The following PUS1 variants were observed in gnomAD, a reference collection of about 807,000 sequenced individuals.
The protein encoded by PUS1 is pseudouridylate synthase 1 homolog.
A neutral mutation model predicts 38.5 loss-of-function variants in PUS1; 25 were observed. That is an observed-to-expected ratio of 0.65 (90% CI 0.47 to 0.91). PUS1 has a LOEUF of 0.91. Ranked by LOEUF, PUS1 falls within the 40% of genes least tolerant of loss-of-function variation. The probability of loss-of-function intolerance (pLI) is 0.00; values close to 1 mark genes in which losing one functional copy is unlikely to be tolerated. For synonymous variants in PUS1, 282 were observed against 260.4 expected (o/e 1.08, Z -0.80); for missense variants, 597 against 612.3 (o/e 0.97, Z 0.26).
At chr12:131,942,462 A>G (rs1054111502) in intron 5 of PUS1, among the ~76,000 whole-genome samples, 125 of 152,052 alleles carry the variant, frequency 8.2e-4, no homozygotes, top group Non-Finnish European at 8.8e-5. Context: ...GCTGGAGTGC[A>G]GTGGCGCGAT....
At position 131,929,623 on chromosome 12, in the gene PUS1, T is replaced by C; in HGVS notation, c.-100T>C. On this transcript the variant is annotated 5_prime_UTR_variant, in exon 1 of 6. Coordinates refer to ENST00000376649, the MANE Select transcript of PUS1 (RefSeq NM_025215.6). ...GGTCAGAAGGAACAGGGCTGCAGCG[T>C]CAGGGTCCGAGAGGTTAGGGGTCGG... 1 of 1,024,416 alleles carries C rather than the reference T, an allele frequency of 9.8e-7. No homozygotes were observed. The highest frequency in any genetic ancestry group is 1.7e-5 in the South Asian group (1 of 59,398). 63.5% of individuals were successfully genotyped at this position (1,024,416 alleles called of 1,614,324 possible). A position where few individuals can be genotyped will look rare whatever the true frequency, so the allele number is the denominator to read the frequency against.
chr12:131,939,194 G>C lies in PUS1; in HGVS notation c.463G>C (p.Val155Leu), dbSNP rs994512006. ...ACAGGGTGTGTCCGCAGCCGGCCAG[G>C]TGGTATCCCTGAAGGTGTGGCTGAT... ...TDKGVSAAGQVVSLKVWLIDD... is the reference protein window; with the variant it reads ...TDKGVSAAGQLVSLKVWLIDD... Residue 155 changes from valine to leucine, a missense_variant, in exon 4 of 6, where the codon GTG (valine) becomes CTG (leucine). Transcript: ENST00000376649. 2 of 1,560,494 alleles carry C rather than the reference G, an allele frequency of 1.3e-6. No homozygotes were observed. Among genetic ancestry groups the C allele is most frequent in the Admixed American group, 3.7e-5 (2 of 53,430 alleles).
chr12:131,929,701 C>A lies in PUS1; in HGVS notation c.-22C>A. 1 of 1,566,208 alleles carries A rather than the reference C, an allele frequency of 6.4e-7. No individual in the cohort carries two copies. Reference sequence around the variant, plus strand: ...CAGGGGTCGGGGATCAGGGCGGGGTCGGGTGCACTGGTAGCCTGCGCATGG... The same window carrying A: ...CAGGGGTCGGGGATCAGGGCGGGGTAGGGTGCACTGGTAGCCTGCGCATGG... On this transcript the variant is annotated 5_prime_UTR_variant, in exon 1 of 6. Transcript: ENST00000376649.
chr12:131,929,998 G>C lies in PUS1; in HGVS notation c.166G>C (p.Asp56His), dbSNP rs769085511. 1.8e-5 allele frequency: 27 copies of C among 1,483,334 alleles called. No homozygotes were observed. In the South Asian group the frequency reaches 3.5e-4, roughly 19 times the overall value. The allele number at this position is 1,483,334 out of a possible 1,614,324, so 91.9% of individuals were successfully genotyped here. Residue 56 changes from aspartate (D) to histidine (H), a missense_variant, in exon 2 of 6, where the codon GAC (aspartate) becomes CAC (histidine). Asp to His is a moderately conservative substitution (Grantham distance 81). Coordinates refer to ENST00000376649, the MANE Select transcript of PUS1 (RefSeq NM_025215.6). ...RRSCSGRAGGDRVWEDGEHPA... is the reference protein window; with the variant it reads ...RRSCSGRAGGHRVWEDGEHPA... ...GTCCTGCAGCGGCCGGGCCGGGGGC[G>C]ACCGCGTCTGGGAGGACGGAGAACA...
intron 4 of PUS1, among the ~76,000 whole-genome samples, chr12:131,940,442 C>T (rs556496939): frequency 6.6e-6 from 1 of 152,320 alleles, no homozygotes; most frequent in East Asian, 1.9e-4. Flanking sequence ...ATTGTTTATA[C>T]AGTTACCTGC....
At chr12:131,942,463 G>T (rs1195424009) in intron 5 of PUS1, among the ~76,000 whole-genome samples, 3 of 152,092 alleles carry the variant, frequency 2.0e-5, no homozygotes, top group Admixed American at 6.5e-5. Context: ...CTGGAGTGCA[G>T]TGGCGCGATC....
intron 3 of PUS1, 125 bp downstream of exon 3, chr12:131,932,437 C>G (rs891690313): frequency 6.8e-6 from 8 of 1,182,190 alleles, no homozygotes; most frequent in Admixed American, 2.0e-5. Context: ...TCAAACTAGC[C>G]TACGCCTTAT....
Position 131,943,778 on chromosome 12 carries a change from T to C in PUS1, c.*192T>C, listed in dbSNP as rs930371689. 17 of 597,164 alleles carry C rather than the reference T, an allele frequency of 2.8e-5. No individual in the cohort carries two copies. The highest frequency in any genetic ancestry group is 5.1e-5 in the Non-Finnish European group (17 of 331,982). 37.0% of individuals were successfully genotyped at this position (597,164 alleles called of 1,614,324 possible). A position where few individuals can be genotyped will look rare whatever the true frequency, so the allele number is the denominator to read the frequency against. ...ATCTGTTTTCAGCTCTTGCATTGCA[T>C]AGATGAACCTCAGCATGTAAAGAAC... is the stretch of plus-strand genomic sequence containing the variant. On this transcript the variant is annotated 3_prime_UTR_variant, in exon 6 of 6. Transcript: ENST00000376649.
In PUS1 at chr12:131,941,476, C is replaced by T; in HGVS notation, c.729C>T (p.His243=). The change falls in exon 5 of 6, where the codon CAC becomes CAT. Residue 243 remains histidine (H), a synonymous_variant. Coordinates refer to ENST00000376649, the MANE Select transcript of PUS1 (RefSeq NM_025215.6). This position sits in a 1 kb window ranked among gnomAD's most constrained non-coding sequence, Gnocchi z 4.4. ...NRLLACYKGT[H]NFHNFTSQKG... ...TCCTGGCCTGCTACAAGGGCACGCACAACTTCCACAATTTCACCTCGCAGA... is the reference window on the plus strand; with the variant it reads ...TCCTGGCCTGCTACAAGGGCACGCATAACTTCCACAATTTCACCTCGCAGA... 6.2e-7 allele frequency: 1 copy of T among 1,613,516 alleles called. No individual in the cohort carries two copies. The highest frequency in any genetic ancestry group is 8.5e-7 in the Non-Finnish European group (1 of 1,179,444).
chr12:131,942,716 C>T (rs183999904), intron 5 of PUS1, among the ~76,000 whole-genome samples: 49 of 152,316 alleles, frequency 3.2e-4, no homozygotes, highest in African/African-American at 1.1e-3. Flanking sequence ...AGCCTGAGTT[C>T]TTTCATGGTG....
At chr12:131,934,755 C>T (rs1362777420) in intron 3 of PUS1, 1 of 152,216 alleles carries the variant, frequency 6.6e-6, no homozygotes, top group Non-Finnish European at 1.5e-5. Flanking sequence ...TTCTGTAGCA[C>T]GTATGAGGCA....
chr12:131,943,940 AAC>A lies in PUS1; in HGVS notation c.*356_*357del, dbSNP rs1436234931. The A allele has an allele frequency of 6.0e-6, 2 of 332,004 alleles. No homozygotes were observed. The highest frequency in any genetic ancestry group is 1.2e-5 in the Non-Finnish European group (2 of 169,314). The allele number at this position is 332,004 out of a possible 1,614,324, so 20.6% of individuals were successfully genotyped here. On this transcript the variant is annotated 3_prime_UTR_variant, in exon 6 of 6. Transcript: ENST00000376649. ...GAGCACAGCATGGTGTCCCGTTGAG[AAC>A]AGATACGGCTGAACAAAAGAGAAAG...
In PUS1 at chr12:131,941,567, CG is replaced by C; in HGVS notation, c.823del (p.Glu275ArgfsTer7). 1 of 1,614,178 alleles carries C rather than the reference CG, an allele frequency of 6.2e-7. No homozygotes were observed. Among genetic ancestry groups the C allele is most frequent in the Non-Finnish European group, 8.5e-7 (1 of 1,180,030 alleles). ...LEMYCEEPFV[R>X]EGLEFAVIRV... ...GATGTACTGCGAGGAACCCTTTGTG[CG>C]GGAGGGCCTGGAGTTTGCGGTGATC... On this transcript the variant is annotated frameshift_variant, in exon 5 of 6. Coordinates refer to ENST00000376649, the MANE Select transcript of PUS1 (RefSeq NM_025215.6). LOFTEE classifies it high-confidence loss of function. This position sits in a 1 kb window ranked among gnomAD's most constrained non-coding sequence, Gnocchi z 4.4.
chr12:131,941,222 C>T lies in PUS1; in HGVS notation c.545-70C>T. 2.2e-6 allele frequency: 3 copies of T among 1,381,734 alleles called. No individual in the cohort carries two copies. The highest frequency in any genetic ancestry group is 3.1e-6 in the Non-Finnish European group (3 of 978,574). 85.6% of individuals were successfully genotyped at this position (1,381,734 alleles called of 1,614,324 possible). A position where few individuals can be genotyped will look rare whatever the true frequency, so the allele number is the denominator to read the frequency against. ...AGGAGACGCTGGGGCTCACGCCGTGCTCAGGCTGCTCCCTGGTCATCCAGG... is the reference window on the plus strand; with the variant it reads ...AGGAGACGCTGGGGCTCACGCCGTGTTCAGGCTGCTCCCTGGTCATCCAGG... On this transcript the variant is annotated intron_variant, in intron 4 of 5. Coordinates refer to ENST00000376649, the MANE Select transcript of PUS1 (RefSeq NM_025215.6). This position sits in a 1 kb window ranked among gnomAD's most constrained non-coding sequence, Gnocchi z 4.4.
Position 131,941,842 on chromosome 12 carries a change from C to T in PUS1, c.1095C>T (p.Val365=), listed in dbSNP as rs1891089060. 14 of 1,613,900 alleles carry T rather than the reference C, an allele frequency of 8.7e-6. No homozygotes were observed. The highest frequency in any genetic ancestry group is 4.5e-5 in the East Asian group (2 of 44,886). ...PLDWAQEEGK[V]AAFKEEHIYP... is the part of the protein sequence containing the mutation. ...ACTGGGCGCAGGAGGAAGGAAAGGT[C>T]GCAGCCTTCAAGGAGGAGCACATCT... Residue 365 remains valine, a synonymous_variant, in exon 5 of 6, where the codon GTC becomes GTT. Coordinates refer to ENST00000376649, the MANE Select transcript of PUS1 (RefSeq NM_025215.6). The surrounding 1 kb of genome is among the most constrained non-coding windows in gnomAD (Gnocchi z 4.4).
intron 3 of PUS1, chr12:131,934,775 G>A (rs1876857985): frequency 6.6e-6 from 1 of 152,246 alleles, no homozygotes; most frequent in South Asian, 2.1e-4. Flanking sequence ...ATCAGTGAAC[G>A]TGATACCTGT....
At chr12:131,940,262 CTCAA>C (rs1891008964) in intron 4 of PUS1, among the ~76,000 whole-genome samples, 4 of 152,144 alleles carry the variant, frequency 2.6e-5, no homozygotes, top group Admixed American at 2.6e-4. Flanking sequence ...AACTCCTAGG[CTCAA>C]TCAGTTTACC....
chr12:131,943,933 C>T lies in PUS1; in HGVS notation c.*347C>T, dbSNP rs924610262. On this transcript the variant is annotated 3_prime_UTR_variant, in exon 6 of 6. Transcript: ENST00000376649. ...CAGAGATGAGCACAGCATGGTGTCC[C>T]GTTGAGAACAGATACGGCTGAACAA... 22 of 337,476 alleles carry T rather than the reference C, an allele frequency of 6.5e-5. No individual in the cohort carries two copies. The highest frequency in any genetic ancestry group is 8.7e-5 in the Non-Finnish European group (15 of 172,060). 20.9% of individuals were successfully genotyped at this position (337,476 alleles called of 1,614,324 possible). A position where few individuals can be genotyped will look rare whatever the true frequency, so the allele number is the denominator to read the frequency against.
intron 2 of PUS1, among the ~76,000 whole-genome samples, chr12:131,930,389 G>A (rs1324621504): frequency 6.6e-6 from 1 of 152,252 alleles, no homozygotes. Context: ...GGGTGCCTGA[G>A]TCCTCATCTT....
Sources: allele counts gnomAD v4.1 joint callset (sites outside exome capture counted in the v4.1 genomes callset), GRCh38; gene constraint gnomAD v4.1.1; non-coding constraint Gnocchi (gnomAD v3.1); transcripts MANE v1.5; gene names NCBI Gene and HGNC (gene_info 2026-07-23, HGNC 2026-07-21).